The following TGFB2 variants were observed in gnomAD, a reference collection of about 807,000 sequenced individuals.
TGFB2 encodes the protein transforming growth factor beta 2.
A neutral mutation model predicts 42.7 loss-of-function variants in TGFB2; 13 were observed. The observed-to-expected ratio is 0.30, with a 90% CI of 0.20 to 0.48. TGFB2 has a LOEUF of 0.48. Ranked by LOEUF, TGFB2 falls within the 20% of genes least tolerant of loss-of-function variation. The pLI, the probability that TGFB2 is intolerant of heterozygous loss-of-function variation, is 0.99. For synonymous variants in TGFB2, 193 were observed against 193.6 expected (o/e 1.00, Z 0.03); for missense variants, 390 against 517.5 (o/e 0.75, Z 2.39).
At chr1:218,426,771 C>A (rs1192560445) in intron 2 of TGFB2, among the ~76,000 whole-genome samples, 1 of 152,082 alleles carries the variant, frequency 6.6e-6, no homozygotes, top group Non-Finnish European at 1.5e-5. Context: ...GAGAGAGATG[C>A]AAACCTTAAA....
chr1:218,422,421 A>T (rs1446217862), intron 2 of TGFB2, among the ~76,000 whole-genome samples: 1 of 151,976 alleles, frequency 6.6e-6, no homozygotes. Context: ...AGGTCTCATT[A>T]TGTTGCTCAG....
chr1:218,397,521 G>C (rs1658561589), intron 1 of TGFB2, among the ~76,000 whole-genome samples: 1 of 144,602 alleles, frequency 6.9e-6, no homozygotes. Flanking sequence ...CCGAGATCGC[G>C]CCACTGCACT....
intron 1 of TGFB2, among the ~76,000 whole-genome samples, chr1:218,361,528 G>A (rs2102543983): frequency 6.6e-6 from 1 of 152,244 alleles, no homozygotes; most frequent in East Asian, 1.9e-4. Context: ...CTGGCCTGAA[G>A]AAGGTGCTGT....
chr1:218,437,319 GCT>G (rs1491391955), intron 5 of TGFB2, 22 bp from the exon 6 acceptor site: 2 of 1,312,990 alleles, frequency 1.5e-6, no homozygotes, highest in Non-Finnish European at 1.0e-6. Flanking sequence ...AATCTCCATT[GCT>G]TTTTTTTTTT....
At chr1:218,391,179 G>T (rs749612707) in intron 1 of TGFB2, among the ~76,000 whole-genome samples, 3 of 152,168 alleles carry the variant, frequency 2.0e-5, no homozygotes, top group Non-Finnish European at 4.4e-5. Context: ...GGCTAAGGTG[G>T]GTTCCAGAAC....
intron 1 of TGFB2, among the ~76,000 whole-genome samples, chr1:218,356,130 G>C (rs1414475142): frequency 1.3e-5 from 2 of 152,144 alleles, no homozygotes; most frequent in East Asian, 3.8e-4. Context: ...CTCCCAGCCA[G>C]AGTCTTGGAA....
Position 218,436,134 on chromosome 1 carries a change from G to C in TGFB2, c.919G>C (p.Ala307Pro). The C allele has an allele frequency of 2.5e-6, 4 of 1,611,236 alleles. No homozygotes were observed. The highest frequency in any genetic ancestry group is 3.4e-6 in the Non-Finnish European group (4 of 1,179,162). ...NRRKKRALDA[A>P]YCFRNVQDNC... ...GCGGAAGAAGCGTGCTTTGGATGCG[G>C]CCTATTGCTTTAGGTAAAGGAAAGA... The change falls in exon 5 of 7, where the codon GCC (alanine) becomes CCC (proline). Residue 307 changes from alanine to proline, a missense_variant. By Grantham distance (27) the Ala-to-Pro change is conservative. Coordinates refer to ENST00000366930, the MANE Select transcript of TGFB2 (RefSeq NM_003238.6).
At chr1:218,437,632 C>A in intron 6 of TGFB2, 136 bp downstream of exon 6, 1 of 968,994 alleles carries the variant, frequency 1.0e-6, no homozygotes, top group Non-Finnish European at 1.4e-6. Flanking sequence ...AAAAATCTTT[C>A]ATTAGGTTGG....
intron 1 of TGFB2, among the ~76,000 whole-genome samples, chr1:218,360,763 A>G (rs1558226994): frequency 6.6e-6 from 1 of 152,244 alleles, no homozygotes; most frequent in Non-Finnish European, 1.5e-5. Context: ...TTTGTTACAA[A>G]GCCTTTTCGC....
intron 1 of TGFB2, among the ~76,000 whole-genome samples, chr1:218,398,353 G>C (rs1000655345): frequency 1.3e-5 from 2 of 152,194 alleles, no homozygotes; most frequent in Non-Finnish European, 2.9e-5. Flanking sequence ...TGCCAGTTTT[G>C]TGGTGTAACC....
chr1:218,356,558 G>T (rs1326255570), intron 1 of TGFB2, among the ~76,000 whole-genome samples: 4 of 152,138 alleles, frequency 2.6e-5, no homozygotes, highest in Non-Finnish European at 5.9e-5. Flanking sequence ...ATCTCTGAAG[G>T]TTCATATGTG....
At chr1:218,371,643 C>T (rs1343201018) in intron 1 of TGFB2, among the ~76,000 whole-genome samples, 1 of 152,194 alleles carries the variant, frequency 6.6e-6, no homozygotes, top group Non-Finnish European at 1.5e-5. Flanking sequence ...CCAAAGCATG[C>T]AGTGATATCT....
intron 1 of TGFB2, among the ~76,000 whole-genome samples, chr1:218,367,738 A>T (rs1179971646): frequency 6.6e-6 from 1 of 152,214 alleles, no homozygotes; most frequent in African/African-American, 2.4e-5. Context: ...TTTTAAGATA[A>T]ATGTCAAATG....
intron 1 of TGFB2, among the ~76,000 whole-genome samples, chr1:218,349,149 T>C (rs1438868110): frequency 6.6e-6 from 1 of 152,088 alleles, no homozygotes; most frequent in Admixed American, 6.5e-5. Flanking sequence ...ATAAATAAAA[T>C]ATACTGCCAG....
rs1571909760 is a variant in TGFB2, at chr1:218,443,615, A to G, written c.*2253A>G. The G allele has an allele frequency of 6.6e-6, 1 of 151,946 alleles. No individual in the cohort carries two copies. Among genetic ancestry groups the G allele is most frequent in the African/African-American group, 2.4e-5 (1 of 41,382 alleles). 9.4% of individuals were successfully genotyped at this position (151,946 alleles called of 1,614,324 possible). A position where few individuals can be genotyped will look rare whatever the true frequency, so the allele number is the denominator to read the frequency against. ...TTATTTCTGCAGACATTTTCCTCTC[A>G]GATAGGATGACATTTTGTTTTGTAT... On this transcript the variant is annotated 3_prime_UTR_variant, in exon 7 of 7. Coordinates refer to ENST00000366930, the MANE Select transcript of TGFB2 (RefSeq NM_003238.6).
chr1:218,394,653 A>G (rs1319136815), intron 1 of TGFB2, among the ~76,000 whole-genome samples: 1 of 152,160 alleles, frequency 6.6e-6, no homozygotes, highest in Non-Finnish European at 1.5e-5. Context: ...GTCTTTACAT[A>G]GCAGATGCTC....
chr1:218,363,324 A>G, intron 1 of TGFB2: 1 of 1,613,408 alleles, frequency 6.2e-7, no homozygotes. Flanking sequence ...GTGCTTTTTA[A>G]AACTCCTAGC....
At chr1:218,383,485 T>C (rs1314837527) in intron 1 of TGFB2, among the ~76,000 whole-genome samples, 4 of 152,228 alleles carry the variant, frequency 2.6e-5, no homozygotes, top group South Asian at 2.1e-4. Flanking sequence ...AAGTCATTTT[T>C]CATTTTCTTT....
rs1656658537 is a variant in TGFB2 at position 218,346,050 on chromosome 1, G to GCACAGGCACA, written c.-648_-647insGGCACACACA. ...TGCGCTGGGCTCGCCCCCAGCGCGC[G>GCACAGGCACA]CACACGCACACACACACACACACAC... On this transcript the variant is annotated 5_prime_UTR_variant, in exon 1 of 7. Transcript: ENST00000366930. The surrounding 1 kb of genome is among the most constrained non-coding windows in gnomAD (Gnocchi z 4.9). Among the ~76,000 whole-genome samples the GCACAGGCACA allele has an allele frequency of 7.2e-6, 1 of 138,042 alleles. No individual in the cohort carries two copies. The highest frequency in any genetic ancestry group is 1.5e-5 in the Non-Finnish European group (1 of 65,072). 90.6% of individuals were successfully genotyped at this position (138,042 alleles called of 152,430 possible).
Sources: gnomAD v4.1 joint callset for allele counts (sites outside exome capture counted in the v4.1 genomes callset) on GRCh38, gnomAD v4.1.1 for gene constraint, Gnocchi (gnomAD v3.1) non-coding constraint, MANE v1.5 for transcripts, NCBI Gene and HGNC (gene_info 2026-07-23, HGNC 2026-07-21) for gene names.